PIK3C2B: variants seen among roughly 807,000 people sequenced by gnomAD.
PIK3C2B encodes phosphatidylinositol-4-phosphate 3-kinase catalytic subunit type 2 beta.
A neutral mutation model predicts 184.3 loss-of-function variants in PIK3C2B; 83 were observed. The observed-to-expected ratio is 0.45, with a 90% CI of 0.38 to 0.54. PIK3C2B has a LOEUF of 0.54. Ranked by LOEUF, PIK3C2B falls within the 20% of genes least tolerant of loss-of-function variation. The pLI is 0.00. For missense variants in PIK3C2B, 1,736 were observed against 2,113.5 expected, an observed-to-expected ratio of 0.82 and a Z score of 3.50; for synonymous variants, 779 against 837.6, an observed-to-expected ratio of 0.93 and a Z score of 1.21.
At chr1:204,473,354 C>T (rs1656446109) in intron 1 of PIK3C2B, among the ~76,000 whole-genome samples, 1 of 152,248 alleles carries the variant, frequency 6.6e-6, no homozygotes, top group African/African-American at 2.4e-5. Context: ...TCACTGTTAA[C>T]TTAATTTCTC....
At chr1:204,446,727 C>T (rs1653903908) in intron 15 of PIK3C2B, among the ~76,000 whole-genome samples, 1 of 152,138 alleles carries the variant, frequency 6.6e-6, no homozygotes, top group African/African-American at 2.4e-5. Flanking sequence ...GTGTAGTCGG[C>T]AGAGTGGGGG....
At position 204,465,243 on chromosome 1, in the gene PIK3C2B, GCAAC is replaced by G; in HGVS notation, c.1006_1009del (p.Val336LeufsTer42). The G allele has an allele frequency of 6.4e-7, 1 of 1,555,670 alleles. No homozygotes were observed. The highest frequency in any genetic ancestry group is 8.7e-7 in the Non-Finnish European group (1 of 1,147,798). On this transcript the variant is annotated frameshift_variant, in exon 3 of 33. Coordinates refer to ENST00000684373, the MANE Select transcript of PIK3C2B (RefSeq NM_001377334.1). LOFTEE classifies it high-confidence loss of function. ...CATATCCAGCATGTGGCAAAATGCA[GCAAC>G]CTCCTCATCTCTCTCTTCTGAGACC... is the stretch of plus-strand genomic sequence containing the variant.
chr1:204,457,055 C>A lies in PIK3C2B; in HGVS notation c.1729G>T (p.Ala577Ser), dbSNP rs61762602. The A allele has an allele frequency of 7.2e-3, 11,267 of 1,566,172 alleles. 57 individuals carry two copies. The highest frequency in any genetic ancestry group is 8.2e-3 in the Non-Finnish European group (9,451 of 1,153,912). ...PKIQKDPSVL[A>S]VRENREKVVE... ...CCCTTACCTCGGTTTTCCCTCACAG[C>A]CAAGACACTGGGATCCTGTTGGGAA... The change falls in exon 10 of 33, where the codon GCT becomes TCT. Residue 577 changes from alanine (A) to serine (S), a missense_variant. Around this residue, in one of 8 missense-constraint regions of PIK3C2B, gnomAD observed 609 missense variants for 699.2 expected, o/e 0.87. Transcript: ENST00000684373.
intron 18 of PIK3C2B, 65 bp downstream of exon 18, chr1:204,444,002 TA>T (rs952813946): frequency 8.8e-7 from 1 of 1,133,384 alleles, no homozygotes; most frequent in African/African-American, 1.5e-5. Flanking sequence ...CTTGCGTGCC[TA>T]AGAGTGAAAT....
At chr1:204,457,002 C>A in intron 10 of PIK3C2B, 35 bp downstream of exon 10, 2 of 1,553,128 alleles carry the variant, frequency 1.3e-6, no homozygotes, top group East Asian at 2.4e-5. Context: ...TTTTCGGCAG[C>A]CCGACTGGAT....
chr1:204,473,575 G>C (rs1379446204), intron 1 of PIK3C2B, among the ~76,000 whole-genome samples: 1 of 152,234 alleles, frequency 6.6e-6, no homozygotes, highest in Non-Finnish European at 1.5e-5. Context: ...TTGGGCTTAA[G>C]TATGTTAATC....
chr1:204,480,847 C>G (rs1227061792), intron 1 of PIK3C2B, among the ~76,000 whole-genome samples: 1 of 152,138 alleles, frequency 6.6e-6, no homozygotes, highest in Non-Finnish European at 1.5e-5. Flanking sequence ...GGAAGGCTCT[C>G]CACCACGTGC....
intron 1 of PIK3C2B, among the ~76,000 whole-genome samples, chr1:204,483,159 C>G (rs1229824198): frequency 6.6e-6 from 1 of 152,134 alleles, no homozygotes; most frequent in Admixed American, 6.5e-5. Flanking sequence ...CAGTGGCTCA[C>G]AACTGCAATC....
intron 1 of PIK3C2B, among the ~76,000 whole-genome samples, chr1:204,490,593 G>A (rs1450401756): frequency 6.6e-6 from 1 of 152,024 alleles, no homozygotes; most frequent in African/African-American, 2.4e-5. Context: ...GATGGCCCAG[G>A]TCCTTTCCAG....
intron 1 of PIK3C2B, among the ~76,000 whole-genome samples, chr1:204,487,165 G>A (rs1270281666): frequency 4.6e-5 from 7 of 152,148 alleles, no homozygotes; most frequent in African/African-American, 1.7e-4. Context: ...GAGTGCAGTG[G>A]TGCAATCATA....
intron 1 of PIK3C2B, 96 bp downstream of exon 1, chr1:204,494,260 A>T (rs1449750828): frequency 6.6e-6 from 1 of 152,302 alleles, no homozygotes; most frequent in East Asian, 1.9e-4. Flanking sequence ...CGCTGTTGCC[A>T]TGTTGGAGGG....
chr1:204,474,117 G>A (rs575577536), intron 1 of PIK3C2B, among the ~76,000 whole-genome samples: 75 of 149,998 alleles, frequency 5.0e-4, no homozygotes, highest in Non-Finnish European at 9.6e-4. Context: ...TCAGCCTCCC[G>A]AGTAGTTGGG....
At chr1:204,453,065 T>C (rs1392812443) in intron 12 of PIK3C2B, among the ~76,000 whole-genome samples, 1 of 152,188 alleles carries the variant, frequency 6.6e-6, no homozygotes, top group Non-Finnish European at 1.5e-5. Flanking sequence ...TTCCAGCATC[T>C]CCAGATTCTT....
intron 10 of PIK3C2B, chr1:204,456,338 ATAAT>A (rs1401669891): frequency 7.2e-6 from 2 of 278,984 alleles, no homozygotes; most frequent in Non-Finnish European, 6.7e-6. Context: ...AACAGTGTTA[ATAAT>A]TATTGTCAGT....
chr1:204,451,540 C>T (rs1288247207), intron 12 of PIK3C2B, among the ~76,000 whole-genome samples: 10 of 152,202 alleles, frequency 6.6e-5, no homozygotes, highest in African/African-American at 2.4e-4. Context: ...AACCTCATAT[C>T]ACACAGGCTG....
chr1:204,434,724 C>T (rs1675250276), intron 23 of PIK3C2B, 116 bp from the exon 24 acceptor site: 4 of 712,260 alleles, frequency 5.6e-6, no homozygotes, highest in East Asian at 2.7e-5. Flanking sequence ...TCTGTGAACC[C>T]CAATAGTGTC....
At chr1:204,491,065 T>G (rs1657971605) in intron 1 of PIK3C2B, among the ~76,000 whole-genome samples, 1 of 152,082 alleles carries the variant, frequency 6.6e-6, no homozygotes, top group African/African-American at 2.4e-5. Context: ...GCTGGTGACG[T>G]CTCATGGGCA....
chr1:204,450,053 C>T, intron 12 of PIK3C2B, 36 bp from the exon 13 acceptor site: 1 of 1,499,950 alleles, frequency 6.7e-7, no homozygotes, highest in South Asian at 1.3e-5. Context: ...GGAGGGGCCA[C>T]TCCTGTGGCT....
chr1:204,429,203 G>C (rs1045615821), intron 29 of PIK3C2B, among the ~76,000 whole-genome samples: 1 of 152,184 alleles, frequency 6.6e-6, no homozygotes, highest in African/African-American at 2.4e-5. Context: ...ACTCCAGACT[G>C]AATGACAGGG....
Sources: allele counts gnomAD v4.1 joint callset (sites outside exome capture counted in the v4.1 genomes callset), GRCh38; gene constraint gnomAD v4.1.1; regional missense constraint gnomAD v4.1.1; transcripts MANE v1.5; gene names NCBI Gene and HGNC (gene_info 2026-07-23, HGNC 2026-07-21).